The following TPO variants were observed in gnomAD, a reference collection of about 807,000 sequenced individuals.
TPO encodes the protein thyroid microsomal antigen.
Under a neutral mutation model 96.9 loss-of-function variants are expected in TPO, and 78 were observed. The observed-to-expected ratio is 0.81, with a 90% CI of 0.67 to 0.97. The LOEUF (loss-of-function observed/expected upper bound fraction) is 0.97. Among genes scored for constraint, TPO ranks in the 50% least tolerant of loss-of-function variants. The pLI, the probability that TPO is intolerant of heterozygous loss-of-function variation, is 0.00. For missense variants in TPO, 1,252 were observed against 1,274.8 expected (o/e 0.98, Z 0.27); for synonymous variants, 547 against 538.0 (o/e 1.02, Z -0.23).
chr2:1,436,589 C>T (rs2070877), intron 5 of TPO, among the ~76,000 whole-genome samples: 4 of 152,162 alleles, frequency 2.6e-5, no homozygotes, highest in Admixed American at 2.6e-4. Flanking sequence ...TCATTCCCAG[C>T]CACAACGTCC....
intron 1 of TPO, among the ~76,000 whole-genome samples, chr2:1,404,608 G>A (rs1339713957): frequency 6.6e-6 from 1 of 152,154 alleles, no homozygotes; most frequent in Non-Finnish European, 1.5e-5. Context: ...CGCAGGGGAA[G>A]GTGACCAGCC....
At chr2:1,379,465 T>A (rs4927650) in intron 1 of TPO, among the ~76,000 whole-genome samples, 1 of 151,952 alleles carries the variant, frequency 6.6e-6, no homozygotes. Context: ...TGATCACGAG[T>A]CACCTTGGAA....
In TPO at chr2:1,414,532, G is replaced by A. The variant is rs753064268; in HGVS notation, c.94+30G>A. 4 of 1,601,824 alleles carry A rather than the reference G, an allele frequency of 2.5e-6. No individual in the cohort carries two copies. In the South Asian group the frequency reaches 3.3e-5, roughly 13 times the overall value. On this transcript the variant is annotated intron_variant, in intron 2 of 16. Transcript: ENST00000329066. ...GTAGCAAACACATTGCGGTCTTCTG[G>A]CCTTATAAAGTTATTTTTCACACTT...
chr2:1,541,156 G>T, intron 16 of TPO: 2 of 1,176,364 alleles, frequency 1.7e-6, no homozygotes, highest in South Asian at 1.7e-5. Context: ...CCCAAGGGAG[G>T]CCATATCAAA....
chr2:1,437,583 A>G (rs532118802), intron 5 of TPO, among the ~76,000 whole-genome samples: 5 of 152,330 alleles, frequency 3.3e-5, no homozygotes, highest in East Asian at 3.9e-4. Context: ...GGTTAAGAAC[A>G]ACAGCTTTGC....
At chr2:1,477,973 G>T in intron 8 of TPO, 1 of 985,330 alleles carries the variant, frequency 1.0e-6, no homozygotes. Context: ...TTCCCGGTGC[G>T]CACAGCCAAG....
rs1357728316 is a variant in TPO, at chr2:1,507,400, G to GT, written c.2518+3327dup. On this transcript the variant is annotated intron_variant, in intron 14 of 16. Coordinates refer to ENST00000329066, the MANE Select transcript of TPO (RefSeq NM_001206744.2). ...TTGGTTCCATATGAACTTTAAAGTA[G>GT]TTTTTTCCAATTCTGTGAAGAAAGT... Among the ~76,000 whole-genome samples the GT allele has an allele frequency of 7.9e-5, 12 of 152,266 alleles. No individual in the cohort carries two copies. In the East Asian group the frequency reaches 1.2e-3, roughly 15 times the overall value.
chr2:1,524,513 C>A (rs1179728836), intron 15 of TPO, among the ~76,000 whole-genome samples: 2 of 129,270 alleles, frequency 1.5e-5, no homozygotes, highest in Non-Finnish European at 3.2e-5. Context: ...CTGTGTGCAG[C>A]CTCCCCAAAT....
chr2:1,522,860 C>G (rs1181673463), intron 15 of TPO, among the ~76,000 whole-genome samples: 3 of 113,220 alleles, frequency 2.6e-5, no homozygotes, highest in Non-Finnish European at 5.6e-5. Flanking sequence ...TGGGTGCAAC[C>G]TCCTCAAATC....
At chr2:1,422,391 G>GC (rs1663825579) in intron 2 of TPO, among the ~76,000 whole-genome samples, 5 of 51,912 alleles carry the variant, frequency 9.6e-5, no homozygotes, top group African/African-American at 3.2e-4. Flanking sequence ...CAGGCGCCGC[G>GC]CTGGGCCATG....
intron 1 of TPO, among the ~76,000 whole-genome samples, chr2:1,395,884 A>T (rs571850922): frequency 2.8e-4 from 42 of 152,296 alleles, no homozygotes; most frequent in East Asian, 1.4e-3. Flanking sequence ...GCCTCTCCTT[A>T]GCCTTCTGCC....
intron 2 of TPO, among the ~76,000 whole-genome samples, chr2:1,420,253 CT>C (rs2148424076): frequency 6.6e-6 from 1 of 152,314 alleles, no homozygotes; most frequent in African/African-American, 2.4e-5. Context: ...AATGATCTCT[CT>C]AGTAACTGCC....
chr2:1,392,583 C>T (rs1662019418), intron 1 of TPO, among the ~76,000 whole-genome samples: 1 of 152,134 alleles, frequency 6.6e-6, no homozygotes, highest in Non-Finnish European at 1.5e-5. Flanking sequence ...GGAATGGTAC[C>T]AGTTCCTCTT....
intron 5 of TPO, among the ~76,000 whole-genome samples, chr2:1,437,858 G>A (rs1665746470): frequency 6.6e-6 from 1 of 152,004 alleles, no homozygotes; most frequent in African/African-American, 2.4e-5. Context: ...GTGCCTTCCC[G>A]TGGAAGTGGG....
At chr2:1,496,227 TACAGC>T in intron 12 of TPO, 30 bp downstream of exon 12, 1 of 1,605,690 alleles carries the variant, frequency 6.2e-7, no homozygotes, top group South Asian at 1.1e-5. Flanking sequence ...CACACCACGT[TACAGC>T]ACGTGCATCT....
intron 2 of TPO, among the ~76,000 whole-genome samples, chr2:1,416,951 A>T (rs1462275210): frequency 6.6e-6 from 1 of 152,190 alleles, no homozygotes; most frequent in Non-Finnish European, 1.5e-5. Context: ...CACCGTAAGC[A>T]CATGGTGCTC....
chr2:1,437,533 C>T (rs1514682), intron 5 of TPO, among the ~76,000 whole-genome samples: 49,709 of 151,822 alleles, frequency 0.33, 9,100 homozygotes, highest in South Asian at 0.48. Context: ...AGGGGCTTTG[C>T]GACAATGAAC....
intron 14 of TPO, among the ~76,000 whole-genome samples, chr2:1,508,713 T>G (rs1673748220): frequency 6.6e-6 from 1 of 152,378 alleles, no homozygotes; most frequent in Non-Finnish European, 1.5e-5. Flanking sequence ...TTTGTATTTC[T>G]TTGGGATCAG....
intron 7 of TPO, among the ~76,000 whole-genome samples, chr2:1,466,034 A>G (rs1668862912): frequency 6.6e-6 from 1 of 152,188 alleles, no homozygotes; most frequent in Non-Finnish European, 1.5e-5. Flanking sequence ...TGGGTTTGTC[A>G]TAGATGGCTT....
Sources: gnomAD v4.1 joint callset for allele counts (sites outside exome capture counted in the v4.1 genomes callset) on GRCh38, gnomAD v4.1.1 for gene constraint, MANE v1.5 for transcripts, NCBI Gene and HGNC (gene_info 2026-07-23, HGNC 2026-07-21) for gene names.